DSCAML1: variants seen among roughly 807,000 people sequenced by gnomAD.
DSCAML1 encodes the protein cell adhesion molecule DSCAML1.
A neutral mutation model predicts 200.5 loss-of-function variants in DSCAML1; 38 were observed. That is an observed-to-expected ratio of 0.19 (90% CI 0.15 to 0.25). The LOEUF (loss-of-function observed/expected upper bound fraction) is 0.25. Ranked by LOEUF, DSCAML1 falls within the 10% of genes least tolerant of loss-of-function variation. The pLI, the probability that DSCAML1 is intolerant of heterozygous loss-of-function variation, is 1.00. For missense variants in DSCAML1, 2,223 were observed against 2,858.8 expected (o/e 0.78, Z 5.07); for synonymous variants, 1,215 against 1,165.0 (o/e 1.04, Z -0.87).
chr11:117,702,044 A>C (rs930743751), intron 3 of DSCAML1, among the ~76,000 whole-genome samples: 4 of 151,376 alleles, frequency 2.6e-5, no homozygotes, highest in Non-Finnish European at 5.9e-5. Context: ...TGGCTTCTCC[A>C]CCCCTCCTCC....
In DSCAML1 at chr11:117,489,959, G is replaced by A. The variant is rs1233137015; in HGVS notation, c.2360-7797C>T. ...CGTCCTCCTCCAGTGCCCCAGGGCA[G>A]CCTGCCCCAGTCCACACTTAGGCTC... On this transcript the variant is annotated intron_variant, in intron 11 of 32. Transcript: ENST00000651296. This position sits in a 1 kb window ranked among gnomAD's most constrained non-coding sequence, Gnocchi z 4.8. 6.6e-6 allele frequency among the ~76,000 whole-genome samples: 1 copy of A among 152,222 alleles called. No individual in the cohort carries two copies. The highest frequency in any genetic ancestry group is 1.5e-5 in the Non-Finnish European group (1 of 68,028).
At chr11:117,660,656 T>A (rs769581058) in intron 3 of DSCAML1, among the ~76,000 whole-genome samples, 1 of 152,166 alleles carries the variant, frequency 6.6e-6, no homozygotes, top group Non-Finnish European at 1.5e-5. Flanking sequence ...AGTCCCTCCA[T>A]CCTGGGAGCC....
At chr11:117,564,691 ATCCT>A (rs892695381) in intron 3 of DSCAML1, among the ~76,000 whole-genome samples, 4 of 134,962 alleles carry the variant, frequency 3.0e-5, no homozygotes, top group African/African-American at 1.1e-4. Context: ...CTTCCTTCCT[ATCCT>A]TCCTTCCTTT....
chr11:117,525,858 T>A (rs2049968876), intron 4 of DSCAML1, among the ~76,000 whole-genome samples: 1 of 152,198 alleles, frequency 6.6e-6, no homozygotes, highest in East Asian at 1.9e-4. Flanking sequence ...TACTGGGAGA[T>A]GGGAGGACGA....
At chr11:117,604,150 C>G (rs2051518947) in intron 3 of DSCAML1, among the ~76,000 whole-genome samples, 1 of 152,202 alleles carries the variant, frequency 6.6e-6, no homozygotes, top group Non-Finnish European at 1.5e-5. Context: ...GCATCTCATT[C>G]ATCTTCATGA....
chr11:117,796,007 G>T (rs1352746228), intron 1 of DSCAML1, among the ~76,000 whole-genome samples: 1 of 152,228 alleles, frequency 6.6e-6, no homozygotes, highest in African/African-American at 2.4e-5. Flanking sequence ...ACGCAAGGGC[G>T]CGGAGTTCGG....
chr11:117,640,844 C>T (rs557121497), intron 3 of DSCAML1, among the ~76,000 whole-genome samples: 1 of 152,290 alleles, frequency 6.6e-6, no homozygotes, highest in South Asian at 2.1e-4. Context: ...TTGCAACTCA[C>T]TGAGATGTGT....
At position 117,482,028 on chromosome 11, in the gene DSCAML1, C is replaced by A; in HGVS notation, c.2494G>T (p.Asp832Tyr). 1.2e-6 allele frequency: 2 copies of A among 1,614,180 alleles called. No homozygotes were observed. Among genetic ancestry groups the A allele is most frequent in the Non-Finnish European group, 1.7e-6 (2 of 1,180,014 alleles). ...WEKGDTVIDP[D>Y]RVMRYAIATK... ...GCGATGGCATACCGCATGACGCGGT[C>A]AGGGTCGATGACTGTGTCCCCCTTC... Residue 832 changes from aspartate to tyrosine, a missense_variant, in exon 12 of 33, where the codon GAC becomes TAC. Coordinates refer to ENST00000651296, the MANE Select transcript of DSCAML1 (RefSeq NM_020693.4).
At chr11:117,462,676 C>A (rs1330384139) in intron 17 of DSCAML1, among the ~76,000 whole-genome samples, 1 of 152,078 alleles carries the variant, frequency 6.6e-6, no homozygotes, top group Non-Finnish European at 1.5e-5. Context: ...TAATTAGGGA[C>A]CCAGTGTAAT....
At chr11:117,650,196 G>A (rs2052601477) in intron 3 of DSCAML1, among the ~76,000 whole-genome samples, 1 of 152,190 alleles carries the variant, frequency 6.6e-6, no homozygotes, top group African/African-American at 2.4e-5. Flanking sequence ...TCTCCAGGGT[G>A]CGGCCCAGGA....
chr11:117,479,575 C>T (rs1298372029), intron 14 of DSCAML1, among the ~76,000 whole-genome samples: 3 of 152,182 alleles, frequency 2.0e-5, no homozygotes, highest in Non-Finnish European at 4.4e-5. Context: ...CCCATGGCGC[C>T]CCACAGTGCC....
intron 3 of DSCAML1, among the ~76,000 whole-genome samples, chr11:117,563,676 TG>T (rs2050703970): frequency 6.6e-6 from 1 of 152,054 alleles, no homozygotes; most frequent in Non-Finnish European, 1.5e-5. Context: ...GTGTTGTAAG[TG>T]GTGGGGAGAA....
At chr11:117,464,917 C>T (rs2048549618) in intron 17 of DSCAML1, 25 bp downstream of exon 17, 2 of 1,608,868 alleles carry the variant, frequency 1.2e-6, no homozygotes, top group Non-Finnish European at 1.7e-6. Flanking sequence ...AATCTGTGCC[C>T]ACTCCCTTCT....
chr11:117,709,738 A>G (rs777627472), intron 3 of DSCAML1: 1 of 454,916 alleles, frequency 2.2e-6, no homozygotes, highest in South Asian at 1.6e-5. Context: ...CAATAAGGCA[A>G]CATCTTCAGG....
At chr11:117,441,718 G>A (rs894918544) in intron 21 of DSCAML1, among the ~76,000 whole-genome samples, 27 of 152,246 alleles carry the variant, frequency 1.8e-4, no homozygotes, top group African/African-American at 5.8e-4. Flanking sequence ...GGTGCATGGC[G>A]TGGGGGTGGG....
intron 3 of DSCAML1, among the ~76,000 whole-genome samples, chr11:117,677,533 G>T (rs528498476): frequency 2.0e-5 from 3 of 152,028 alleles, no homozygotes; most frequent in Non-Finnish European, 4.4e-5. Context: ...ATGAGGCATG[G>T]GTTCTGTGGC....
intron 3 of DSCAML1, among the ~76,000 whole-genome samples, chr11:117,647,703 C>A (rs1394615717): frequency 6.6e-6 from 1 of 151,982 alleles, no homozygotes; most frequent in Non-Finnish European, 1.5e-5. Context: ...TAGCAGAAAG[C>A]AAAAGGGAAG....
intron 3 of DSCAML1, among the ~76,000 whole-genome samples, chr11:117,559,152 AAAG>A (rs1453551571): frequency 7.1e-6 from 1 of 140,920 alleles, no homozygotes; most frequent in African/African-American, 2.9e-5. Flanking sequence ...GAAAGAAAGA[AAAG>A]AAAGACACCA....
At chr11:117,764,687 G>A (rs1277821397) in intron 3 of DSCAML1, among the ~76,000 whole-genome samples, 1 of 152,224 alleles carries the variant, frequency 6.6e-6, no homozygotes, top group Non-Finnish European at 1.5e-5. Context: ...GTCCCTTCCT[G>A]GGCGCAGGCC....
Sources: gnomAD v4.1 joint callset for allele counts (sites outside exome capture counted in the v4.1 genomes callset) on GRCh38, gnomAD v4.1.1 for gene constraint, Gnocchi (gnomAD v3.1) non-coding constraint, MANE v1.5 for transcripts, NCBI Gene and HGNC (gene_info 2026-07-23, HGNC 2026-07-21) for gene names.